ARHGAP39: variants seen among roughly 807,000 people sequenced by gnomAD.
ARHGAP39 encodes the protein rho GTPase-activating protein 39.
ARHGAP39 carries 44 observed loss-of-function variants against 106.9 expected under a neutral mutation model. That is an observed-to-expected ratio of 0.41 (90% CI 0.32 to 0.53). ARHGAP39 has a LOEUF of 0.53. ARHGAP39 is among the 20% of genes least tolerant of loss of function. The pLI, the probability that ARHGAP39 is intolerant of heterozygous loss-of-function variation, is 0.21. For missense variants in ARHGAP39, 1,496 were observed against 1,577.3 expected, an observed-to-expected ratio of 0.95 and a Z score of 0.87; for synonymous variants, 768 against 693.2, an observed-to-expected ratio of 1.11 and a Z score of -1.69.
At chr8:144,656,577 C>T (rs61332872) in intron 1 of ARHGAP39, among the ~76,000 whole-genome samples, 3,185 of 151,948 alleles carry the variant, frequency 0.021, 109 homozygotes, top group African/African-American at 0.073. Flanking sequence ...CTGTGGTGGG[C>T]GGATCACCCA....
chr8:144,635,680 G>C (rs113112225), intron 1 of ARHGAP39, among the ~76,000 whole-genome samples: 5 of 152,182 alleles, frequency 3.3e-5, no homozygotes, highest in Non-Finnish European at 7.3e-5. Flanking sequence ...GCGCTTACCC[G>C]GTGGGATCTG....
upstream of ARHGAP39, among the ~76,000 whole-genome samples, chr8:144,688,340 A>G (rs1003780702): frequency 6.6e-6 from 1 of 152,150 alleles, no homozygotes; most frequent in African/African-American, 2.4e-5. Flanking sequence ...CCTGACCTCA[A>G]GTGATTCACC....
Position 144,547,011 on chromosome 8 carries a change from TCTGCGTG to T in ARHGAP39, c.1959+109_1959+115del. 1 of 1,291,466 alleles carries T rather than the reference TCTGCGTG, an allele frequency of 7.7e-7. No homozygotes were observed. Among genetic ancestry groups the T allele is most frequent in the Non-Finnish European group, 1.0e-6 (1 of 970,494 alleles). The allele number at this position is 1,291,466 out of a possible 1,614,324, so 80.0% of individuals were successfully genotyped here. On this transcript the variant is annotated intron_variant, in intron 5 of 11. Coordinates refer to ENST00000377307, the MANE Select transcript of ARHGAP39 (RefSeq NM_025251.3). The surrounding 1 kb of genome is among the most constrained non-coding windows in gnomAD (Gnocchi z 5.2). ...CCCCGGAGACACGGGGCTTCAGAAC[TCTGCGTG>T]CTGCGTGCACGCCCTGGACGCCAGG... is the stretch of plus-strand genomic sequence containing the variant.
Position 144,641,233 on chromosome 8 carries a change from G to A in ARHGAP39, c.-81-35538C>T, listed in dbSNP as rs1278453226. 6.6e-6 allele frequency among the ~76,000 whole-genome samples: 1 copy of A among 152,052 alleles called. No individual in the cohort carries two copies. Among genetic ancestry groups the A allele is most frequent in the Non-Finnish European group, 1.5e-5 (1 of 68,012 alleles). ...CTAGTCTATGACATCTGGGACCCTG[G>A]GGCACCGGTCTCTGGCCCTCAAGGC... is the stretch of plus-strand genomic sequence containing the variant. On this transcript the variant is annotated intron_variant, in intron 1 of 11. Transcript: ENST00000377307. The surrounding 1 kb of genome is among the most constrained non-coding windows in gnomAD (Gnocchi z 5.2).
chr8:144,665,583 C>G (rs1364269297), intron 1 of ARHGAP39, among the ~76,000 whole-genome samples: 1 of 152,184 alleles, frequency 6.6e-6, no homozygotes, highest in African/African-American at 2.4e-5. Flanking sequence ...GCCCTCTGTC[C>G]CAGCCTCTCC....
At chr8:144,533,422 G>A (rs192179801) in intron 8 of ARHGAP39, 97 bp from the exon 9 acceptor site, 32 of 1,252,974 alleles carry the variant, frequency 2.6e-5, no homozygotes, top group Middle Eastern at 4.8e-4. Flanking sequence ...GGTGGGTGGC[G>A]CTCTTCAGAA....
intron 1 of ARHGAP39, among the ~76,000 whole-genome samples, chr8:144,643,485 C>T (rs1204440100): frequency 6.6e-6 from 1 of 152,136 alleles, no homozygotes; most frequent in East Asian, 1.9e-4. Flanking sequence ...AATAATCACA[C>T]AGAGAGACTG....
chr8:144,545,371 C>T lies in ARHGAP39; in HGVS notation c.2399G>A (p.Ser800Asn). 1 of 1,600,616 alleles carries T rather than the reference C, an allele frequency of 6.2e-7. No homozygotes were observed. Among genetic ancestry groups the T allele is most frequent in the Non-Finnish European group, 8.5e-7 (1 of 1,171,792 alleles). ...CATGAGCTCCCAGCCGCGGGCCAGGCTCTCCAGGCGGAAGTTCTCGGTGGT... is the reference window on the plus strand; with the variant it reads ...CATGAGCTCCCAGCCGCGGGCCAGGTTCTCCAGGCGGAAGTTCTCGGTGGT... ...RQTTENFRLE[S>N]LARGWELMAI... The change falls in exon 6 of 12, where the codon AGC becomes AAC. Residue 800 changes from serine to asparagine, a missense_variant. This residue lies in a region of ARHGAP39 where 470 missense variants were observed against 605.1 expected (regional missense o/e 0.78). Transcript: ENST00000377307.
intron 1 of ARHGAP39, among the ~76,000 whole-genome samples, chr8:144,623,337 T>C (rs1166549482): frequency 6.6e-6 from 1 of 152,150 alleles, no homozygotes; most frequent in Non-Finnish European, 1.5e-5. Flanking sequence ...TTAAATATAA[T>C]AATTACAGTA....
At chr8:144,677,738 G>C (rs1046299016) in intron 1 of ARHGAP39, among the ~76,000 whole-genome samples, 1 of 152,228 alleles carries the variant, frequency 6.6e-6, no homozygotes, top group African/African-American at 2.4e-5. Flanking sequence ...AGTATCTCTA[G>C]AAGGATACAC....
At chr8:144,637,290 A>C (rs959378997) in intron 1 of ARHGAP39, among the ~76,000 whole-genome samples, 1 of 152,182 alleles carries the variant, frequency 6.6e-6, no homozygotes, top group Non-Finnish European at 1.5e-5. Flanking sequence ...GCTTCTGTTT[A>C]GTCTTTTTTT....
intron 6 of ARHGAP39, among the ~76,000 whole-genome samples, chr8:144,543,395 G>A (rs1009701042): frequency 2.0e-4 from 31 of 152,192 alleles, no homozygotes; most frequent in African/African-American, 7.5e-4. Context: ...TGTATGTAGA[G>A]GCCTCTCTTC....
At chr8:144,560,960 G>A (rs1818120208) in intron 3 of ARHGAP39, among the ~76,000 whole-genome samples, 1 of 152,358 alleles carries the variant, frequency 6.6e-6, no homozygotes, top group East Asian at 1.9e-4. Context: ...AGCCAAGCAA[G>A]GAAAACTGTT....
Position 144,548,591 on chromosome 8 carries a change from G to A in ARHGAP39, c.597-102C>T. ...AGGCAGCGGCTCCCGCGAACCCTCT[G>A]TTGTACACCTTCCTCGCTGGGGCCC... On this transcript the variant is annotated intron_variant, in intron 4 of 11. Transcript: ENST00000377307. The surrounding 1 kb of genome is among the most constrained non-coding windows in gnomAD (Gnocchi z 7.4). 2.1e-6 allele frequency: 3 copies of A among 1,419,840 alleles called. No homozygotes were observed. Among genetic ancestry groups the A allele is most frequent in the Non-Finnish European group, 2.8e-6 (3 of 1,072,340 alleles). 88.0% of individuals were successfully genotyped at this position (1,419,840 alleles called of 1,614,324 possible). A position where few individuals can be genotyped will look rare whatever the true frequency, so the allele number is the denominator to read the frequency against.
Position 144,530,343 on chromosome 8 carries a change from C to T in ARHGAP39, c.*79G>A, listed in dbSNP as rs1304196618. On this transcript the variant is annotated 3_prime_UTR_variant, in exon 12 of 12. Coordinates refer to ENST00000377307, the MANE Select transcript of ARHGAP39 (RefSeq NM_025251.3). ...CAGGGCTGGGCCGGGCGATTCTGGC[C>T]CCTCTGCCGGGAGAGCGAGTGCGGA... The T allele has an allele frequency of 8.9e-6, 13 of 1,455,126 alleles. No individual in the cohort carries two copies. The highest frequency in any genetic ancestry group is 5.0e-5 in the East Asian group (2 of 40,080). 90.1% of individuals were successfully genotyped at this position (1,455,126 alleles called of 1,614,324 possible).
chr8:144,547,468 C>A lies in ARHGAP39; in HGVS notation c.1618G>T (p.Glu540Ter). ...CCCCGCGCCCCTTCGGCCTCACCTT[C>A]CGCTCGCTTCACGGGGGCGAGGCTG... is the stretch of plus-strand genomic sequence containing the variant. ...GTSLAPVKRA[E>*]GEAEGARGAA... The change falls in exon 5 of 12, where the codon GAA (glutamate) becomes TAA (stop). Residue 540 changes from glutamate to a stop codon, truncating the protein, a stop_gained. Transcript: ENST00000377307. LOFTEE classifies it high-confidence loss of function. The surrounding 1 kb of genome is among the most constrained non-coding windows in gnomAD (Gnocchi z 5.2). The A allele has an allele frequency of 6.4e-7, 1 of 1,550,430 alleles. No individual in the cohort carries two copies. Among genetic ancestry groups the A allele is most frequent in the Non-Finnish European group, 8.7e-7 (1 of 1,153,614 alleles).
chr8:144,579,376 A>G (rs1001658648), intron 3 of ARHGAP39, among the ~76,000 whole-genome samples: 4 of 152,150 alleles, frequency 2.6e-5, no homozygotes, highest in Non-Finnish European at 4.4e-5. Context: ...TTGAACCCTC[A>G]TATTTGCTGG....
chr8:144,595,548 T>A (rs760877392), intron 2 of ARHGAP39, among the ~76,000 whole-genome samples: 2 of 152,172 alleles, frequency 1.3e-5, no homozygotes, highest in African/African-American at 4.8e-5. Flanking sequence ...ATGTGAATTA[T>A]ATAAAAAAAA....
intron 1 of ARHGAP39, among the ~76,000 whole-genome samples, chr8:144,612,810 A>G (rs11992305): frequency 0.027 from 4,037 of 149,414 alleles, 176 homozygotes; most frequent in African/African-American, 0.094. Flanking sequence ...CCACGGCTGC[A>G]CCACTGCACT....
Sources: gnomAD v4.1 joint callset for allele counts (sites outside exome capture counted in the v4.1 genomes callset) on GRCh38, gnomAD v4.1.1 for gene constraint, gnomAD v4.1.1 regional missense constraint, Gnocchi (gnomAD v3.1) non-coding constraint, MANE v1.5 for transcripts, NCBI Gene and HGNC (gene_info 2026-07-23, HGNC 2026-07-21) for gene names.